The following PARD3B variants were observed in gnomAD, a reference collection of about 807,000 sequenced individuals.
PARD3B encodes the protein partitioning defective 3 homolog B.
A neutral mutation model predicts 130.2 loss-of-function variants in PARD3B; 103 were observed. The observed-to-expected ratio is 0.79, with a 90% CI of 0.67 to 0.93. The LOEUF (loss-of-function observed/expected upper bound fraction) is 0.93, where lower values mean the gene tolerates loss of function less well. Ranked by LOEUF, PARD3B falls within the 40% of genes least tolerant of loss-of-function variation. The pLI is 0.00. For missense variants in PARD3B, 1,609 were observed against 1,499.2 expected (o/e 1.07, Z -1.21); for synonymous variants, 583 against 553.2 (o/e 1.05, Z -0.76).
intron 20 of PARD3B, among the ~76,000 whole-genome samples, chr2:205,450,802 C>G (rs1173609011): frequency 3.3e-5 from 5 of 152,156 alleles, no homozygotes; most frequent in Non-Finnish European, 5.9e-5. Flanking sequence ...TTAGATCAGT[C>G]ATATCATCTG....
intron 4 of PARD3B, among the ~76,000 whole-genome samples, chr2:205,058,859 G>T (rs1302003980): frequency 2.6e-5 from 4 of 151,742 alleles, no homozygotes; most frequent in African/African-American, 9.7e-5. Context: ...TCAGATATAT[G>T]ATTTGAAAAT....
intron 2 of PARD3B, among the ~76,000 whole-genome samples, chr2:204,754,622 T>A (rs2040592354): frequency 6.6e-6 from 1 of 152,186 alleles, no homozygotes; most frequent in Admixed American, 6.6e-5. Context: ...CAGAAAATAT[T>A]TAATGTTTGC....
intron 2 of PARD3B, among the ~76,000 whole-genome samples, chr2:204,854,040 T>C (rs2044819809): frequency 1.3e-5 from 2 of 151,880 alleles, no homozygotes. Flanking sequence ...GCATTTTTGG[T>C]AGAGAGAGGA....
At chr2:205,182,012 G>T (rs1209794939) in intron 13 of PARD3B, among the ~76,000 whole-genome samples, 1 of 152,326 alleles carries the variant, frequency 6.6e-6, no homozygotes, top group East Asian at 1.9e-4. Context: ...GTAACAAGGG[G>T]CCGGGTGTGG....
In PARD3B at chr2:204,623,493, A is replaced by G. The variant is rs1010940821; in HGVS notation, c.121-62688A>G. On this transcript the variant is annotated intron_variant, in intron 1 of 22. Coordinates refer to ENST00000406610, the MANE Select transcript of PARD3B (RefSeq NM_001302769.2). The surrounding 1 kb of genome is among the most constrained non-coding windows in gnomAD (Gnocchi z 4.5). ...AATCAACAATCTTTTCTATATCTCTATAATTTTGTCAATTAGAGTGTGTTG... is the reference window on the plus strand; with the variant it reads ...AATCAACAATCTTTTCTATATCTCTGTAATTTTGTCAATTAGAGTGTGTTG... Among the ~76,000 whole-genome samples the G allele has an allele frequency of 6.6e-6, 1 of 152,052 alleles. No individual in the cohort carries two copies. The highest frequency in any genetic ancestry group is 1.9e-4 in the East Asian group (1 of 5,184).
chr2:205,238,916 G>GTGTATATA (rs2039225666), intron 15 of PARD3B, among the ~76,000 whole-genome samples: 1 of 118,458 alleles, frequency 8.4e-6, no homozygotes, highest in African/African-American at 3.3e-5. Context: ...ATATGTATGT[G>GTGTATATA]TATATATATA....
intron 22 of PARD3B, among the ~76,000 whole-genome samples, chr2:205,609,741 AT>A (rs2105788457): frequency 6.6e-6 from 1 of 152,258 alleles, no homozygotes; most frequent in South Asian, 2.1e-4. Context: ...TGCATATCTT[AT>A]TTCTTCACAT....
intron 18 of PARD3B, among the ~76,000 whole-genome samples, chr2:205,381,023 G>GATATATTATATATAAAGAAT (rs1400819566): frequency 1.5e-5 from 1 of 64,960 alleles, no homozygotes; most frequent in African/African-American, 1.1e-4. Flanking sequence ...GAATATATAT[G>GATATATTATATATAAAGAAT]ATATATTATA....
chr2:204,969,481 A>G (rs1422848237), intron 3 of PARD3B, among the ~76,000 whole-genome samples: 1 of 152,228 alleles, frequency 6.6e-6, no homozygotes, highest in Non-Finnish European at 1.5e-5. Flanking sequence ...TGCCTCAGAA[A>G]AACGTTTGTG....
At chr2:205,310,885 G>A (rs1021885633) in intron 18 of PARD3B, among the ~76,000 whole-genome samples, 9 of 151,708 alleles carry the variant, frequency 5.9e-5, no homozygotes, top group African/African-American at 1.9e-4. Context: ...CACCACACCC[G>A]GCTAATTTTT....
At chr2:205,553,038 GAA>G (rs1559209735) in intron 21 of PARD3B, among the ~76,000 whole-genome samples, 3 of 152,090 alleles carry the variant, frequency 2.0e-5, no homozygotes, top group Admixed American at 1.3e-4. Context: ...AGAAGAAGAA[GAA>G]GAAGAAAATA....
rs189831090 is a variant in PARD3B at position 205,592,723 on chromosome 2, A to C, written c.3261-22733A>C. Among the ~76,000 whole-genome samples, 164 of 152,356 alleles carry C rather than the reference A, an allele frequency of 1.1e-3. 1 individual carries two copies. Among genetic ancestry groups the C allele is most frequent in the African/African-American group, 3.8e-3 (158 of 41,592 alleles). ...GATGATTACTCAGTTAGCTCATAGG[A>C]GGGGCATCTGATTCAGAAGTAAAGG... On this transcript the variant is annotated intron_variant, in intron 22 of 22. Transcript: ENST00000406610. The surrounding 1 kb of genome is among the most constrained non-coding windows in gnomAD (Gnocchi z 4.5).
chr2:205,002,243 C>G (rs985919008), intron 3 of PARD3B, among the ~76,000 whole-genome samples: 1 of 152,140 alleles, frequency 6.6e-6, no homozygotes, highest in African/African-American at 2.4e-5. Flanking sequence ...TGTTTCATCC[C>G]CTTGTAGACT....
intron 2 of PARD3B, among the ~76,000 whole-genome samples, chr2:204,807,236 T>A (rs1365016009): frequency 6.6e-6 from 1 of 152,148 alleles, no homozygotes; most frequent in Non-Finnish European, 1.5e-5. Context: ...AAGATGAGAT[T>A]TGCATGGGGA....
At chr2:204,786,044 G>T (rs527561302) in intron 2 of PARD3B, among the ~76,000 whole-genome samples, 11 of 151,614 alleles carry the variant, frequency 7.3e-5, no homozygotes, top group Non-Finnish European at 1.0e-4. Flanking sequence ...AACCCGGGAG[G>T]TGGAGGTTGC....
intron 2 of PARD3B, among the ~76,000 whole-genome samples, chr2:204,771,258 G>A (rs1055218195): frequency 6.6e-6 from 1 of 151,754 alleles, no homozygotes; most frequent in Admixed American, 6.6e-5. Flanking sequence ...GAGTGTGTAT[G>A]TGTGTAAGCA....
intron 2 of PARD3B, among the ~76,000 whole-genome samples, chr2:204,747,183 G>A (rs2040270384): frequency 6.6e-6 from 1 of 152,086 alleles, no homozygotes; most frequent in Admixed American, 6.6e-5. Context: ...TCCAGTTTCA[G>A]CTTTCTCCAC....
rs1225314659 is a variant in PARD3B, at chr2:205,292,636, A to G, written c.2186-7894A>G. 6.6e-6 allele frequency among the ~76,000 whole-genome samples: 1 copy of G among 152,174 alleles called. No homozygotes were observed. Among genetic ancestry groups the G allele is most frequent in the Non-Finnish European group, 1.5e-5 (1 of 68,024 alleles). Reference sequence around the variant, plus strand: ...CACAGTCCCTCAAGGGCACACTGTCATTGAGATGGAAGGTAAGTGAAATTG... The same window carrying G: ...CACAGTCCCTCAAGGGCACACTGTCGTTGAGATGGAAGGTAAGTGAAATTG... On this transcript the variant is annotated intron_variant, in intron 16 of 22. Coordinates refer to ENST00000406610, the MANE Select transcript of PARD3B (RefSeq NM_001302769.2). The surrounding 1 kb of genome is among the most constrained non-coding windows in gnomAD (Gnocchi z 5.3).
intron 2 of PARD3B, among the ~76,000 whole-genome samples, chr2:204,892,472 G>C (rs991523772): frequency 3.3e-5 from 5 of 152,214 alleles, no homozygotes; most frequent in Non-Finnish European, 1.5e-5. Flanking sequence ...ATGTGTGGCT[G>C]TTGAATACTT....
Sources: allele counts gnomAD v4.1 joint callset (sites outside exome capture counted in the v4.1 genomes callset), GRCh38; gene constraint gnomAD v4.1.1; non-coding constraint Gnocchi (gnomAD v3.1); transcripts MANE v1.5; gene names NCBI Gene and HGNC (gene_info 2026-07-23, HGNC 2026-07-21).